Variants in TNNI3K observed in about 807,000 individuals in gnomAD.
The protein encoded by TNNI3K is TNNI3 interacting kinase, also known as serine/threonine-protein kinase TNNI3K.
Under a neutral mutation model 114.5 loss-of-function variants are expected in TNNI3K, and 140 were observed. The observed-to-expected ratio is 1.22, with a 90% CI of 1.07 to 1.41. The LOEUF is 1.41. Among genes scored for constraint, TNNI3K ranks in the 40% most tolerant of loss-of-function variants. The probability of loss-of-function intolerance (pLI) is 0.00; values close to 1 mark genes in which losing one functional copy is unlikely to be tolerated. For synonymous variants in TNNI3K, 347 were observed against 347.5 expected (o/e 1.00, Z 0.02); for missense variants, 1,125 against 1,007.6 (o/e 1.12, Z -1.58).
chr1:74,314,590 G>A (rs1366663409), intron 5 of TNNI3K, among the ~76,000 whole-genome samples: 2 of 152,110 alleles, frequency 1.3e-5, no homozygotes, highest in South Asian at 4.1e-4. Context: ...ATTAAGTCAT[G>A]CAGGAAGTCA....
rs146773455 is a variant in TNNI3K, at chr1:74,439,507, T to C, written c.1896T>C (p.Ala632=). The change falls in exon 20 of 25, where the codon GCT becomes GCC. Residue 632 remains alanine (A), a synonymous_variant. Coordinates refer to ENST00000326637, the MANE Select transcript of TNNI3K (RefSeq NM_015978.3). The part of the protein sequence containing the change: ...TKQPGNLRWM[A]PEVFTQCTRY... ...ATGTGCAGAACCTCCGTTGGATGGC[T>C]CCTGAGGTGTTCACGCAGTGCACTC... 76 of 1,613,280 alleles carry C rather than the reference T, an allele frequency of 4.7e-5. No homozygotes were observed. In the East Asian group the frequency reaches 1.6e-3, roughly 34 times the overall value.
chr1:74,428,321 C>T (rs1665730280), intron 17 of TNNI3K, among the ~76,000 whole-genome samples: 1 of 152,060 alleles, frequency 6.6e-6, no homozygotes, highest in African/African-American at 2.4e-5. Flanking sequence ...ACCTGCATAC[C>T]TCCTCTACAG....
intron 5 of TNNI3K, among the ~76,000 whole-genome samples, chr1:74,313,097 T>G (rs1348811345): frequency 6.6e-6 from 1 of 152,198 alleles, no homozygotes; most frequent in African/African-American, 2.4e-5. Context: ...GGGATTCTTC[T>G]GGTTTATATC....
intron 11 of TNNI3K, among the ~76,000 whole-genome samples, chr1:74,359,116 C>A (rs763491186): frequency 3.3e-5 from 5 of 151,990 alleles, no homozygotes; most frequent in African/African-American, 1.2e-4. Context: ...CTTACCAACA[C>A]ACTGTAAAAT....
intron 7 of TNNI3K, among the ~76,000 whole-genome samples, chr1:74,340,329 A>G (rs922727745): frequency 3.3e-5 from 5 of 152,144 alleles, no homozygotes; most frequent in Non-Finnish European, 5.9e-5. Flanking sequence ...TCTCCTTTAT[A>G]TGTTTCTCAA....
chr1:74,530,819 T>C (rs1485164124), intron 23 of TNNI3K, among the ~76,000 whole-genome samples: 1 of 151,986 alleles, frequency 6.6e-6, no homozygotes, highest in African/African-American at 2.4e-5. Flanking sequence ...AGTCAAGGCA[T>C]GCAAAGTCTG....
At chr1:74,320,189 G>C (rs1033019041) in intron 5 of TNNI3K, among the ~76,000 whole-genome samples, 1 of 152,162 alleles carries the variant, frequency 6.6e-6, no homozygotes, top group African/African-American at 2.4e-5. Context: ...CGGAATGGTT[G>C]ATACATTTAC....
At chr1:74,529,515 G>A (rs1646552867) in intron 23 of TNNI3K, among the ~76,000 whole-genome samples, 2 of 152,208 alleles carry the variant, frequency 1.3e-5, no homozygotes, top group African/African-American at 4.8e-5. Flanking sequence ...ATGTGATTCT[G>A]AATTAGATTC....
intron 23 of TNNI3K, among the ~76,000 whole-genome samples, chr1:74,500,737 T>C (rs567642150): frequency 9.5e-4 from 142 of 149,532 alleles, no homozygotes; most frequent in Non-Finnish European, 1.7e-3. Context: ...ATTTAGTAGA[T>C]AGAGGATTTT....
chr1:74,243,756 A>G (rs1654388579), intron 2 of TNNI3K, among the ~76,000 whole-genome samples: 1 of 152,176 alleles, frequency 6.6e-6, no homozygotes, highest in Non-Finnish European at 1.5e-5. Context: ...ATCATTTTTA[A>G]TGATTAAGAA....
intron 17 of TNNI3K, among the ~76,000 whole-genome samples, chr1:74,423,222 T>G (rs1665482619): frequency 6.6e-6 from 1 of 151,910 alleles, no homozygotes; most frequent in Non-Finnish European, 1.5e-5. Flanking sequence ...GTGGCCCTCT[T>G]TCTTTTGTCT....
chr1:74,253,642 GC>G (rs890689461), intron 4 of TNNI3K, among the ~76,000 whole-genome samples: 39 of 152,202 alleles, frequency 2.6e-4, no homozygotes, highest in African/African-American at 7.5e-4. Flanking sequence ...CGGAGTGCGG[GC>G]CCGCCAAGCC....
In TNNI3K at chr1:74,354,105, TG is replaced by T; in HGVS notation, c.1154del (p.Cys385PhefsTer2). ...RSSGEKDEQT[C>X]LMWAYEKGHD... ...TAGTGGTGAAAAAGATGAGCAGACA[TG>T]TTTGATGTGGGCTTATGAAAAAGGT... On this transcript the variant is annotated frameshift_variant, in exon 11 of 25. Transcript: ENST00000326637. LOFTEE classifies it high-confidence loss of function. 6.2e-7 allele frequency: 1 copy of T among 1,614,044 alleles called. No individual in the cohort carries two copies. Among genetic ancestry groups the T allele is most frequent in the Non-Finnish European group, 8.5e-7 (1 of 1,179,970 alleles).
chr1:74,471,209 G>GTTTAGTGT (rs1371852603), intron 21 of TNNI3K: 1 of 400,554 alleles, frequency 2.5e-6, no homozygotes, highest in Non-Finnish European at 4.4e-6. Flanking sequence ...AGGGGGGCAC[G>GTTTAGTGT]TTTAGTGTTT....
chr1:74,271,538 G>A (rs1656346551), intron 4 of TNNI3K, 60 bp from the exon 5 acceptor site: 4 of 1,471,560 alleles, frequency 2.7e-6, no homozygotes, highest in Non-Finnish European at 3.7e-6. Context: ...ACATCCTGTT[G>A]CACAGCTTTT....
At chr1:74,335,982 T>C (rs762157384) in intron 6 of TNNI3K, 29 bp from the exon 7 acceptor site, 20 of 1,543,220 alleles carry the variant, frequency 1.3e-5, no homozygotes, top group South Asian at 8.9e-5. Flanking sequence ...TGAATTTTTA[T>C]ACTGATTTCA....
At chr1:74,539,011 AT>A (rs1646694324) in intron 23 of TNNI3K, among the ~76,000 whole-genome samples, 1 of 152,180 alleles carries the variant, frequency 6.6e-6, no homozygotes. Context: ...ATCTGTTTAT[AT>A]TTTGAAAAGA....
intron 23 of TNNI3K, among the ~76,000 whole-genome samples, chr1:74,508,497 G>A (rs1219199961): frequency 6.6e-6 from 1 of 152,174 alleles, no homozygotes; most frequent in Non-Finnish European, 1.5e-5. Flanking sequence ...GGCCAGAGTA[G>A]TTCTAGAACT....
At chr1:74,428,839 G>GT (rs1665759037) in intron 17 of TNNI3K, among the ~76,000 whole-genome samples, 1 of 152,074 alleles carries the variant, frequency 6.6e-6, no homozygotes, top group African/African-American at 2.4e-5. Flanking sequence ...GGAGGCTGAG[G>GT]TGGGAGGATT....
Sources: allele counts gnomAD v4.1 joint callset (sites outside exome capture counted in the v4.1 genomes callset), GRCh38; gene constraint gnomAD v4.1.1; transcripts MANE v1.5; gene names NCBI Gene and HGNC (gene_info 2026-07-23, HGNC 2026-07-21).